PRKAG3: variants seen among roughly 807,000 people sequenced by gnomAD.
PRKAG3 encodes 5'-AMP-activated protein kinase subunit gamma-3.
In PRKAG3, 39 loss-of-function variants were observed where a neutral mutation model predicts 56.5. That is an observed-to-expected ratio of 0.69 (90% CI 0.53 to 0.90). The LOEUF (loss-of-function observed/expected upper bound fraction) is 0.90. Among genes scored for constraint, PRKAG3 ranks in the 40% least tolerant of loss-of-function variants. The pLI is 0.00. For synonymous variants in PRKAG3, 243 were observed against 250.1 expected (o/e 0.97, Z 0.27); for missense variants, 628 against 627.5 (o/e 1.00, Z -0.01).
chr2:218,823,449 C>G (rs1196350298), exon 13 of PRKAG3: 1 of 395,092 alleles, frequency 2.5e-6, no homozygotes, highest in Non-Finnish European at 4.8e-6. Flanking sequence ...GGGCTTTGTC[C>G]CTCCCTTCTA....
chr2:218,827,164 C>A lies in PRKAG3; in HGVS notation c.1003-71G>T. On this transcript the variant is annotated intron_variant, in intron 9 of 12. Coordinates refer to ENST00000529249, the Ensembl canonical transcript of PRKAG3. This position sits in a 1 kb window ranked among gnomAD's most constrained non-coding sequence, Gnocchi z 5.3. ...CAAGAGGGCTCCCAGCTCTTCCCCA[C>A]GACTGCTAGGGCTGAAGACTCCTCA... The A allele has an allele frequency of 6.2e-7, 1 of 1,612,856 alleles. No homozygotes were observed. Among genetic ancestry groups the A allele is most frequent in the East Asian group, 2.2e-5 (1 of 44,894 alleles).
chr2:218,822,770 C>T (rs868162534), downstream of PRKAG3: 15 of 569,794 alleles, frequency 2.6e-5, no homozygotes, highest in East Asian at 1.5e-4. Context: ...GCAGTGGCGA[C>T]GTTGCTGGGA....
At position 218,827,481 on chromosome 2, in the gene PRKAG3, C is replaced by T. The variant is rs900602359; in HGVS notation, c.875+94G>A. 2.9e-5 allele frequency: 47 copies of T among 1,600,762 alleles called. No homozygotes were observed. Among genetic ancestry groups the T allele is most frequent in the South Asian group, 1.1e-4 (10 of 90,550 alleles). On this transcript the variant is annotated intron_variant, in intron 8 of 12. Coordinates refer to ENST00000529249, the Ensembl canonical transcript of PRKAG3. The surrounding 1 kb of genome is among the most constrained non-coding windows in gnomAD (Gnocchi z 5.3). ...CACCAAGGCTCCCTTGTCTGTGTGC[C>T]GCCTAGGATGAAGAGGTGAGTTCAG...
exon 13 of PRKAG3, chr2:218,823,823 A>G (rs1465122663): frequency 6.2e-7 from 1 of 1,614,150 alleles, no homozygotes; most frequent in Admixed American, 1.7e-5. Flanking sequence ...GATGTCGGAG[A>G]GGGAGACCAC....
In PRKAG3 at chr2:218,827,397, CT is replaced by C. The variant is rs1162873625; in HGVS notation, c.876-25del. ...GGCTGCAGAGATGGGAGCAGTGAGC[CT>C]CGGGGCAGCCTAGGGAGAGACAACC... On this transcript the variant is annotated intron_variant, in intron 8 of 12. Transcript: ENST00000529249. The surrounding 1 kb of genome is among the most constrained non-coding windows in gnomAD (Gnocchi z 5.3). 6.2e-7 allele frequency: 1 copy of C among 1,613,902 alleles called. No individual in the cohort carries two copies. The highest frequency in any genetic ancestry group is 1.3e-5 in the African/African-American group (1 of 74,910).
rs1054334693 is a variant in PRKAG3 at position 218,824,163 on chromosome 2, C to T, written c.1353+59G>A. ...CCCGATGTTCAGGGATGGCTGGAGC[C>T]GTGCATGAGAAGGACTGGGCTATAT... On this transcript the variant is annotated intron_variant, in intron 12 of 12. Coordinates refer to ENST00000529249, the Ensembl canonical transcript of PRKAG3. The T allele has an allele frequency of 4.1e-5, 66 of 1,612,996 alleles. No homozygotes were observed. The African/African-American group carries it at 6.3e-4, about 15-fold the overall frequency.
In PRKAG3 at chr2:218,827,658, G is replaced by A. The variant is rs761120376; in HGVS notation, c.821-29C>T. On this transcript the variant is annotated intron_variant, in intron 7 of 12. Coordinates refer to ENST00000529249, the Ensembl canonical transcript of PRKAG3. This position sits in a 1 kb window ranked among gnomAD's most constrained non-coding sequence, Gnocchi z 5.3. The stretch of plus-strand genomic sequence containing the variant: ...CAGAAAGAGCCAGAGTCAGGCCAGG[G>A]GAGCCGGTCACCTGCCTCACCTTGC... The A allele has an allele frequency of 6.2e-7, 1 of 1,612,556 alleles. No individual in the cohort carries two copies. Among genetic ancestry groups the A allele is most frequent in the South Asian group, 1.1e-5 (1 of 91,016 alleles).
Position 218,827,735 on chromosome 2 carries a change from C to A in PRKAG3, c.820+98G>T. 3 of 1,559,024 alleles carry A rather than the reference C, an allele frequency of 1.9e-6. No homozygotes were observed. The South Asian group carries it at 3.3e-5, about 17-fold the overall frequency. On this transcript the variant is annotated intron_variant, in intron 7 of 12. Transcript: ENST00000529249. The surrounding 1 kb of genome is among the most constrained non-coding windows in gnomAD (Gnocchi z 5.3). Reference sequence around the variant, plus strand: ...GGCACCCGAGGCTCCTATTGTCCCTCCCCTGTTCACTCCAGGACATCCCCA... The same window carrying A: ...GGCACCCGAGGCTCCTATTGTCCCTACCCTGTTCACTCCAGGACATCCCCA...
At chr2:218,830,432 G>A (rs778369619) in intron 3 of PRKAG3, 51 bp from the exon 4 acceptor site, 36 of 1,564,562 alleles carry the variant, frequency 2.3e-5, no homozygotes, top group South Asian at 3.5e-5. Flanking sequence ...TCCAAAGCAC[G>A]TTCTCATCTG....
exon 4 of PRKAG3, chr2:218,830,233 T>C: frequency 6.2e-7 from 1 of 1,614,022 alleles, no homozygotes; most frequent in Non-Finnish European, 8.5e-7. Flanking sequence ...TGCTGGAGCC[T>C]GCAGCTGAGG....
At chr2:218,823,418 C>T (rs183296889) in exon 13 of PRKAG3, 2 of 349,556 alleles carry the variant, frequency 5.7e-6, no homozygotes, top group South Asian at 2.6e-5. Flanking sequence ...GAAGTCACAT[C>T]GCAGCCTTAG....
At chr2:218,824,637 C>A in intron 10 of PRKAG3, 61 bp from the exon 11 acceptor site, 1 of 1,488,140 alleles carries the variant, frequency 6.7e-7, no homozygotes, top group Non-Finnish European at 9.4e-7. Flanking sequence ...CCGGTCAGAA[C>A]CGGGGTGCTG....
chr2:218,831,318 A>AG lies in PRKAG3; in HGVS notation c.73+17dup. 6.3e-7 allele frequency: 1 copy of AG among 1,574,910 alleles called. No homozygotes were observed. Among genetic ancestry groups the AG allele is most frequent in the Non-Finnish European group, 8.6e-7 (1 of 1,156,736 alleles). On this transcript the variant is annotated intron_variant, in intron 2 of 12. Coordinates refer to ENST00000529249, the Ensembl canonical transcript of PRKAG3. ...TGGGGGAAGAGGTTAGGCCCCAGGG[A>AG]GGGGGCATTCTCCCTACCTTGATGC...
rs376239638 is a variant in PRKAG3, at chr2:218,824,594, G to A, written c.1169-18C>T. The A allele has an allele frequency of 6.2e-6, 10 of 1,603,788 alleles. No individual in the cohort carries two copies. The highest frequency in any genetic ancestry group is 1.7e-4 in the Middle Eastern group (1 of 6,038). Reference sequence around the variant, plus strand: ...GACCTGACCTGCAGAGGGTGGTTGTGGGGGGTGGGGGGAGAAAGACAGGGA... The same window carrying A: ...GACCTGACCTGCAGAGGGTGGTTGTAGGGGGTGGGGGGAGAAAGACAGGGA... On this transcript the variant is annotated intron_variant, in intron 10 of 12. Transcript: ENST00000529249.
At chr2:218,828,924 A>G (rs1943977387) in intron 4 of PRKAG3, among the ~76,000 whole-genome samples, 1 of 152,254 alleles carries the variant, frequency 6.6e-6, no homozygotes. Context: ...GTACAGACAC[A>G]GTCTAGTTTT....
At chr2:218,831,184 C>T in intron 2 of PRKAG3, 152 bp downstream of exon 2, 1 of 716,400 alleles carries the variant, frequency 1.4e-6, no homozygotes, top group South Asian at 1.9e-5. Context: ...GTGAGGGAAA[C>T]ACACCTGGGG....
chr2:218,825,796 T>A (rs1172946974), intron 10 of PRKAG3, among the ~76,000 whole-genome samples: 7 of 150,132 alleles, frequency 4.7e-5, no homozygotes, highest in Non-Finnish European at 8.9e-5. Context: ...CTCGCTCTGT[T>A]GCCAGGCTGG....
chr2:218,830,201 G>A lies in PRKAG3; in HGVS notation c.410C>T (p.Thr137Met), dbSNP rs559742480. 1.1e-5 allele frequency: 18 copies of A among 1,613,994 alleles called. No homozygotes were observed. Among genetic ancestry groups the A allele is most frequent in the African/African-American group, 1.3e-5 (1 of 74,950 alleles). Residue 137 changes from threonine to methionine, a missense_variant, in exon 4 of 13, where the codon ACG becomes ATG. Physicochemically the swap from Thr to Met is moderately conservative, Grantham distance 81. Coordinates refer to ENST00000529249, the Ensembl canonical transcript of PRKAG3. The stretch of plus-strand genomic sequence containing the variant: ...CCAGGCCTCTGTGGCTGGGAACTCC[G>A]TGGCCAGCTCCACATCATCTGTGCT...
intron 2 of PRKAG3, 31 bp from the exon 3 acceptor site, chr2:218,830,932 TA>T: frequency 6.2e-7 from 1 of 1,605,564 alleles, no homozygotes; most frequent in Admixed American, 1.7e-5. Flanking sequence ...GTTTGGTTAA[TA>T]GGGAGTAATG....
Sources: gnomAD v4.1 joint callset for allele counts (sites outside exome capture counted in the v4.1 genomes callset) on GRCh38, gnomAD v4.1.1 for gene constraint, Gnocchi (gnomAD v3.1) non-coding constraint, MANE v1.5 for transcripts, NCBI Gene and HGNC (gene_info 2026-07-23, HGNC 2026-07-21) for gene names.